ERBB4: variants seen among roughly 807,000 people sequenced by gnomAD.
ERBB4 encodes erb-b2 receptor tyrosine kinase 4, also known as receptor tyrosine-protein kinase erbB-4.
ERBB4 carries 42 observed loss-of-function variants against 158.0 expected under a neutral mutation model. The ratio of observed to expected loss-of-function variants is 0.27; its 90% CI spans 0.21 to 0.34. The LOEUF (loss-of-function observed/expected upper bound fraction) is 0.34, where lower values mean the gene tolerates loss of function less well. Ranked by LOEUF, ERBB4 falls within the 10% of genes least tolerant of loss-of-function variation. ERBB4 has a pLI of 1.00. For synonymous variants in ERBB4, 583 were observed against 558.7 expected (o/e 1.04, Z -0.61); for missense variants, 1,333 against 1,624.1 (o/e 0.82, Z 3.08).
intron 26 of ERBB4, among the ~76,000 whole-genome samples, 159 bp from the exon 27 acceptor site, chr2:211,387,309 T>C (rs1042471784): frequency 1.3e-5 from 2 of 152,192 alleles, no homozygotes; most frequent in African/African-American, 4.8e-5. Flanking sequence ...TTACAAACTA[T>C]AAACACCTAA....
chr2:212,242,704 TG>T (rs1474751736), intron 1 of ERBB4, among the ~76,000 whole-genome samples: 2 of 152,198 alleles, frequency 1.3e-5, no homozygotes, highest in Admixed American at 6.5e-5. Context: ...TTCTCAAATT[TG>T]TATTAAAGGT....
intron 3 of ERBB4, among the ~76,000 whole-genome samples, chr2:211,820,525 C>G (rs1344264869): frequency 6.6e-6 from 1 of 151,788 alleles, no homozygotes; most frequent in Non-Finnish European, 1.5e-5. Context: ...GATTTAATAC[C>G]AATTCTTTTC....
At chr2:211,737,688 T>C (rs2074647241) in intron 5 of ERBB4, among the ~76,000 whole-genome samples, 1 of 152,204 alleles carries the variant, frequency 6.6e-6, no homozygotes, top group Admixed American at 6.5e-5. Flanking sequence ...GTTACAAAGA[T>C]TTTATGTATT....
At chr2:211,549,069 G>T (rs2067014353) in intron 20 of ERBB4, among the ~76,000 whole-genome samples, 2 of 152,018 alleles carry the variant, frequency 1.3e-5, no homozygotes, top group South Asian at 4.2e-4. Flanking sequence ...AGAAACAGCA[G>T]CAAAATGTAT....
At chr2:211,687,165 C>T (rs11890020) in intron 12 of ERBB4, among the ~76,000 whole-genome samples, 3,185 of 150,568 alleles carry the variant, frequency 0.021, 115 homozygotes, top group African/African-American at 0.074. Context: ...GTTAGCCAGG[C>T]GTGGTGGTGG....
In ERBB4 at chr2:211,679,113, G is replaced by C. The variant is rs1273284407; in HGVS notation, c.1561C>G (p.Leu521Val). 1.4e-5 allele frequency: 22 copies of C among 1,613,574 alleles called. 1 individual carries two copies. The highest frequency in any genetic ancestry group is 1.9e-5 in the Non-Finnish European group (22 of 1,179,806). ...GCWGPGPDQCLSCRRFSRGRI... is the reference protein window; with the variant it reads ...GCWGPGPDQCVSCRRFSRGRI... ...CCTCTACTGAAGCGGCGACACGACA[G>C]ACATTGGTCTGGCCCAGGTCCCCAA... The change falls in exon 13 of 28, where the codon CTG becomes GTG. Residue 521 changes from leucine (L) to valine (V), a missense_variant. Leu to Val is a conservative substitution (Grantham distance 32). Around this residue, in one of 5 missense-constraint regions of ERBB4, gnomAD observed 245 missense variants for 247.5 expected, o/e 0.99. Coordinates refer to ENST00000342788, the MANE Select transcript of ERBB4 (RefSeq NM_005235.3).
At chr2:212,256,873 G>C (rs2084758283) in intron 1 of ERBB4, among the ~76,000 whole-genome samples, 1 of 152,112 alleles carries the variant, frequency 6.6e-6, no homozygotes, top group Non-Finnish European at 1.5e-5. Context: ...TTTAATGTTT[G>C]ATGGAAGGGG....
chr2:211,850,244 G>A (rs1247594817), intron 3 of ERBB4, among the ~76,000 whole-genome samples: 2 of 151,766 alleles, frequency 1.3e-5, no homozygotes, highest in Non-Finnish European at 1.5e-5. Context: ...TGCTTAAATT[G>A]TATTATATGT....
intron 1 of ERBB4, among the ~76,000 whole-genome samples, chr2:212,507,773 T>C (rs750061173): frequency 2.0e-5 from 3 of 152,308 alleles, no homozygotes; most frequent in Middle Eastern, 3.4e-3. Flanking sequence ...CCATTCCTGG[T>C]GAATATACTA....
intron 3 of ERBB4, among the ~76,000 whole-genome samples, chr2:211,875,043 A>AAAAAAAAAAAAAAT (rs1559600593): frequency 8.8e-6 from 1 of 114,208 alleles, no homozygotes; most frequent in African/African-American, 2.7e-5. Context: ...AAAAAAAAAA[A>AAAAAAAAAAAAAAT]AAAAAAACAA....
rs183426096 is a variant in ERBB4 at position 211,502,319 on chromosome 2, T to G, written c.2487+59584A>C. Reference sequence around the variant, plus strand: ...GCAAAGGAAGCCTATTCTTGACATTTTATATACTCAAATTAGGGTAATGTA... The same window carrying G: ...GCAAAGGAAGCCTATTCTTGACATTGTATATACTCAAATTAGGGTAATGTA... On this transcript the variant is annotated intron_variant, in intron 20 of 27. Transcript: ENST00000342788. 5.9e-5 allele frequency among the ~76,000 whole-genome samples: 9 copies of G among 152,282 alleles called. No homozygotes were observed. In the East Asian group the frequency reaches 1.5e-3, roughly 26 times the overall value.
intron 3 of ERBB4, among the ~76,000 whole-genome samples, chr2:211,871,582 C>T (rs924292210): frequency 6.6e-6 from 1 of 151,272 alleles, no homozygotes; most frequent in Non-Finnish European, 1.5e-5. Flanking sequence ...TGGAGGCACA[C>T]CTATGTTCAC....
intron 25 of ERBB4, among the ~76,000 whole-genome samples, chr2:211,391,072 C>T (rs1364228058): frequency 6.6e-6 from 1 of 152,184 alleles, no homozygotes; most frequent in African/African-American, 2.4e-5. Flanking sequence ...ATTTAAATTA[C>T]ATGTTAATCA....
intron 1 of ERBB4, among the ~76,000 whole-genome samples, chr2:212,222,061 T>A (rs928546168): frequency 6.6e-6 from 1 of 151,596 alleles, no homozygotes; most frequent in Non-Finnish European, 1.5e-5. Context: ...TAATAGTAGC[T>A]TTTTAGTTTA....
intron 11 of ERBB4, 110 bp downstream of exon 11, chr2:211,703,994 T>C: frequency 1.3e-6 from 1 of 775,926 alleles, no homozygotes; most frequent in African/African-American, 1.7e-5. Context: ...GATGGAAGCA[T>C]GATTTCCCCA....
At chr2:211,795,412 A>G (rs1304856821) in intron 3 of ERBB4, among the ~76,000 whole-genome samples, 1 of 151,886 alleles carries the variant, frequency 6.6e-6, no homozygotes, top group Non-Finnish European at 1.5e-5. Context: ...TAATTATTTA[A>G]ATAGTGGTTA....
chr2:212,507,790 T>C (rs183992573), intron 1 of ERBB4, among the ~76,000 whole-genome samples: 4 of 152,312 alleles, frequency 2.6e-5, no homozygotes, highest in Admixed American at 2.6e-4. Context: ...ACTATAAACA[T>C]GGTTGAAATG....
chr2:211,650,110 C>G (rs553531534), intron 16 of ERBB4, among the ~76,000 whole-genome samples: 20 of 151,850 alleles, frequency 1.3e-4, no homozygotes, highest in Admixed American at 1.3e-3. Context: ...ATTATATTCC[C>G]CTAGTTAGAT....
chr2:211,853,605 G>A (rs1259467736), intron 3 of ERBB4, among the ~76,000 whole-genome samples: 1 of 152,042 alleles, frequency 6.6e-6, no homozygotes, highest in Non-Finnish European at 1.5e-5. Context: ...AGTGGTCTGA[G>A]GTACTGCCTT....
Sources: allele counts gnomAD v4.1 joint callset (sites outside exome capture counted in the v4.1 genomes callset), GRCh38; gene constraint gnomAD v4.1.1; regional missense constraint gnomAD v4.1.1; transcripts MANE v1.5; gene names NCBI Gene and HGNC (gene_info 2026-07-23, HGNC 2026-07-21).